Variants in LHFPL6 observed in about 807,000 individuals in gnomAD.
The protein encoded by LHFPL6 is LHFPL tetraspan subfamily member 6.
LHFPL6 carries 9 observed loss-of-function variants against 20.6 expected under a neutral mutation model. The ratio of observed to expected loss-of-function variants is 0.44; its 90% CI spans 0.26 to 0.76. The LOEUF is 0.76. Among genes scored for constraint, LHFPL6 ranks in the 30% least tolerant of loss-of-function variants. The probability of loss-of-function intolerance (pLI) is 0.20; values close to 1 mark genes in which losing one functional copy is unlikely to be tolerated. For synonymous variants in LHFPL6, 105 were observed against 98.7 expected (o/e 1.06, Z -0.38); for missense variants, 218 against 253.5 (o/e 0.86, Z 0.95).
chr13:39,596,798 T>G (rs1170230060), intron 2 of LHFPL6, among the ~76,000 whole-genome samples: 4 of 152,222 alleles, frequency 2.6e-5, no homozygotes, highest in Non-Finnish European at 5.9e-5. Flanking sequence ...CACTCATTAT[T>G]TAGCTTATTA....
intron 2 of LHFPL6, among the ~76,000 whole-genome samples, chr13:39,403,930 G>C (rs1314645575): frequency 1.3e-5 from 2 of 152,156 alleles, no homozygotes; most frequent in East Asian, 3.9e-4. Flanking sequence ...CATTGGTTTA[G>C]GAGAATTTCT....
intron 3 of LHFPL6, among the ~76,000 whole-genome samples, chr13:39,374,198 A>G (rs561941911): frequency 1.3e-5 from 2 of 152,320 alleles, no homozygotes; most frequent in South Asian, 4.1e-4. Flanking sequence ...ACAGCCATAA[A>G]AAGGAATGAA....
chr13:39,540,549 C>T lies in LHFPL6; in HGVS notation c.385+60283G>A, dbSNP rs1452680764. Among the ~76,000 whole-genome samples the T allele has an allele frequency of 2.6e-5, 4 of 152,200 alleles. No individual in the cohort carries two copies. The East Asian group carries it at 5.8e-4, about 22-fold the overall frequency. ...GAAATTTATCTCTCCTCTAACATAG[C>T]AGAAAGGATTTTCTGATGGAATATT... On this transcript the variant is annotated intron_variant, in intron 2 of 3. Coordinates refer to ENST00000379589, the MANE Select transcript of LHFPL6 (RefSeq NM_005780.3).
chr13:39,552,107 C>T (rs1461850094), intron 2 of LHFPL6, among the ~76,000 whole-genome samples: 1 of 152,160 alleles, frequency 6.6e-6, no homozygotes, highest in African/African-American at 2.4e-5. Flanking sequence ...AATCAGCACC[C>T]TCTGTGCCAG....
intron 2 of LHFPL6, among the ~76,000 whole-genome samples, chr13:39,478,962 A>C (rs757959948): frequency 2.0e-4 from 30 of 151,118 alleles, no homozygotes; most frequent in Non-Finnish European, 2.8e-4. Flanking sequence ...ATATGTCTCT[A>C]TATATAATAT....
intron 2 of LHFPL6, among the ~76,000 whole-genome samples, chr13:39,480,600 G>C (rs1316061447): frequency 6.6e-6 from 1 of 152,172 alleles, no homozygotes; most frequent in Non-Finnish European, 1.5e-5. Context: ...TAACATCTTT[G>C]TGTGGGCTGC....
chr13:39,567,542 A>G (rs1003917460), intron 2 of LHFPL6, among the ~76,000 whole-genome samples: 1 of 152,142 alleles, frequency 6.6e-6, no homozygotes, highest in Non-Finnish European at 1.5e-5. Context: ...TTTGTGGGCC[A>G]CATAAGGTTT....
At chr13:39,353,307 A>C (rs867240464) in intron 3 of LHFPL6, among the ~76,000 whole-genome samples, 1 of 152,018 alleles carries the variant, frequency 6.6e-6, no homozygotes, top group Non-Finnish European at 1.5e-5. Flanking sequence ...TTTTAATGAG[A>C]CAAGTAGTAA....
rs551290163 is a variant in LHFPL6 at position 39,376,897 on chromosome 13, C to T, written c.484+1531G>A. On this transcript the variant is annotated intron_variant, in intron 3 of 3. Transcript: ENST00000379589. Reference sequence around the variant, plus strand: ...GACATGCTACCGTAAAATGCAGCACCTTGACATTTGAGAAAGCAGCAGAAG... The same window carrying T: ...GACATGCTACCGTAAAATGCAGCACTTTGACATTTGAGAAAGCAGCAGAAG... Among the ~76,000 whole-genome samples, 8 of 152,246 alleles carry T rather than the reference C, an allele frequency of 5.3e-5. No homozygotes were observed. The South Asian group carries it at 1.7e-3, about 32-fold the overall frequency.
At chr13:39,480,449 A>G (rs1452707583) in intron 2 of LHFPL6, among the ~76,000 whole-genome samples, 1 of 152,174 alleles carries the variant, frequency 6.6e-6, no homozygotes, top group African/African-American at 2.4e-5. Context: ...TGTTGTCCCA[A>G]GATAAAAGTT....
At chr13:39,458,856 TA>T (rs1430807138) in intron 2 of LHFPL6, among the ~76,000 whole-genome samples, 1 of 152,170 alleles carries the variant, frequency 6.6e-6, no homozygotes, top group Non-Finnish European at 1.5e-5. Flanking sequence ...TATTTTGTTG[TA>T]AAATTAAAAT....
intron 2 of LHFPL6, among the ~76,000 whole-genome samples, chr13:39,449,118 C>T (rs1320582214): frequency 6.6e-6 from 1 of 152,228 alleles, no homozygotes; most frequent in Non-Finnish European, 1.5e-5. Context: ...CACTGCATCT[C>T]GGCTGCATGG....
At chr13:39,354,202 C>T (rs141649055) in intron 3 of LHFPL6, among the ~76,000 whole-genome samples, 7 of 152,244 alleles carry the variant, frequency 4.6e-5, no homozygotes, top group Non-Finnish European at 1.0e-4. Context: ...GCCTGAATTA[C>T]ACCATCAAAC....
Position 39,501,143 on chromosome 13 carries a change from G to A in LHFPL6, c.385+99689C>T, listed in dbSNP as rs1178805170. Among the ~76,000 whole-genome samples the A allele has an allele frequency of 2.6e-5, 4 of 152,104 alleles. 1 individual carries two copies. The East Asian group carries it at 5.8e-4, about 22-fold the overall frequency. ...TCAGAAGCCCACATCATAGGTGCCC[G>A]ATCTGTTCTGTTATTCCCGGTGTTG... On this transcript the variant is annotated intron_variant, in intron 2 of 3. Coordinates refer to ENST00000379589, the MANE Select transcript of LHFPL6 (RefSeq NM_005780.3).
At chr13:39,384,943 G>A (rs1870526256) in intron 2 of LHFPL6, among the ~76,000 whole-genome samples, 1 of 152,194 alleles carries the variant, frequency 6.6e-6, no homozygotes, top group African/African-American at 2.4e-5. Flanking sequence ...AGCAACCAGA[G>A]GAAGGTGGGA....
intron 2 of LHFPL6, among the ~76,000 whole-genome samples, chr13:39,405,819 C>T (rs1361771351): frequency 6.6e-6 from 1 of 152,146 alleles, no homozygotes; most frequent in Non-Finnish European, 1.5e-5. Flanking sequence ...TGAAAACAGG[C>T]ATGTGGTAAA....
rs151055846 is a variant in LHFPL6, at chr13:39,351,746, C to A, written c.485-7692G>T. 1.8e-3 allele frequency among the ~76,000 whole-genome samples: 267 copies of A among 152,314 alleles called. 2 individuals are homozygous for A. In the East Asian group the frequency reaches 0.023, roughly 13 times the overall value. On this transcript the variant is annotated intron_variant, in intron 3 of 3. Coordinates refer to ENST00000379589, the MANE Select transcript of LHFPL6 (RefSeq NM_005780.3). ...TAATAATTGCTGAGTCTTCGCCAGT[C>A]CCAGCAGCCATAGTTCAACCACTCA...
intron 2 of LHFPL6, among the ~76,000 whole-genome samples, chr13:39,474,145 A>T (rs1873020141): frequency 2.0e-5 from 3 of 152,222 alleles, no homozygotes; most frequent in African/African-American, 7.2e-5. Context: ...TTTTATGGGT[A>T]TGCCTTTTTT....
chr13:39,359,221 C>T (rs1413709978), intron 3 of LHFPL6, among the ~76,000 whole-genome samples: 2 of 152,104 alleles, frequency 1.3e-5, no homozygotes, highest in Admixed American at 6.6e-5. Context: ...GGAAATTATA[C>T]GCTGCTGGCG....
Sources: allele counts gnomAD v4.1 joint callset (sites outside exome capture counted in the v4.1 genomes callset), GRCh38; gene constraint gnomAD v4.1.1; transcripts MANE v1.5; gene names NCBI Gene and HGNC (gene_info 2026-07-23, HGNC 2026-07-21).